The following THSD7B variants were observed in gnomAD, a reference collection of about 807,000 sequenced individuals.
THSD7B encodes the protein thrombospondin type 1 domain containing 7B.
In THSD7B, 138 loss-of-function variants were observed where a neutral mutation model predicts 213.6. The observed-to-expected ratio is 0.65, with a 90% CI of 0.56 to 0.74. The LOEUF is 0.74. Ranked by LOEUF, THSD7B falls within the 30% of genes least tolerant of loss-of-function variation. THSD7B has a pLI of 0.00. For missense variants in THSD7B, 1,931 were observed against 1,991.5 expected (o/e 0.97, Z 0.58); for synonymous variants, 742 against 687.0 (o/e 1.08, Z -1.25).
chr2:137,451,573 G>A (rs1010349285), intron 15 of THSD7B, among the ~76,000 whole-genome samples: 1 of 151,852 alleles, frequency 6.6e-6, no homozygotes, highest in Non-Finnish European at 1.5e-5. Context: ...AAAAATCATA[G>A]ATATTTTCAT....
At chr2:137,649,648 GT>G in intron 21 of THSD7B, among the ~76,000 whole-genome samples, 1 of 152,280 alleles carries the variant, frequency 6.6e-6, no homozygotes, top group Admixed American at 6.5e-5. Flanking sequence ...ATAAGTCTGA[GT>G]TTTTTATTTT....
chr2:137,549,126 C>G (rs1680793732), intron 15 of THSD7B, among the ~76,000 whole-genome samples: 1 of 151,900 alleles, frequency 6.6e-6, no homozygotes, highest in Non-Finnish European at 1.5e-5. Flanking sequence ...ACTCATTCTC[C>G]TCCTTTTCTT....
intron 12 of THSD7B, among the ~76,000 whole-genome samples, chr2:137,372,266 A>T: frequency 7.0e-6 from 1 of 142,066 alleles, no homozygotes; most frequent in African/African-American, 2.5e-5. Flanking sequence ...GAATGTGGTT[A>T]GGTAATCCCC....
chr2:137,162,785 G>T (rs769739599), intron 6 of THSD7B, among the ~76,000 whole-genome samples: 3 of 143,412 alleles, frequency 2.1e-5, no homozygotes, highest in Non-Finnish European at 3.0e-5. Context: ...CTTCTTTTGA[G>T]TTTCACTCTT....
chr2:137,166,051 C>T (rs1219381296), intron 6 of THSD7B, among the ~76,000 whole-genome samples: 2 of 152,138 alleles, frequency 1.3e-5, no homozygotes, highest in African/African-American at 2.4e-5. Flanking sequence ...GACTTTTATT[C>T]TTAATCAGAA....
intron 17 of THSD7B, among the ~76,000 whole-genome samples, chr2:137,614,781 A>G (rs1037620855): frequency 6.6e-6 from 1 of 152,170 alleles, no homozygotes; most frequent in African/African-American, 2.4e-5. Context: ...ATGTGTATCA[A>G]TGGTCCAAAC....
At chr2:137,560,309 C>T (rs1681083386) in intron 15 of THSD7B, among the ~76,000 whole-genome samples, 1 of 152,078 alleles carries the variant, frequency 6.6e-6, no homozygotes, top group Admixed American at 6.6e-5. Flanking sequence ...TTGGAACCAA[C>T]CCAAATGTCC....
chr2:137,230,352 T>C (rs1193119839), intron 7 of THSD7B, among the ~76,000 whole-genome samples: 1 of 152,174 alleles, frequency 6.6e-6, no homozygotes. Flanking sequence ...AATAGCAAAA[T>C]TGAGGATCCT....
intron 15 of THSD7B, among the ~76,000 whole-genome samples, chr2:137,557,028 C>T (rs1352424944): frequency 1.3e-5 from 2 of 152,072 alleles, no homozygotes; most frequent in African/African-American, 2.4e-5. Flanking sequence ...ACAGGAGCAC[C>T]CAGATTCACA....
intron 15 of THSD7B, among the ~76,000 whole-genome samples, chr2:137,513,124 C>A (rs1050739879): frequency 1.3e-5 from 2 of 152,150 alleles, no homozygotes; most frequent in East Asian, 3.8e-4. Flanking sequence ...GTTCTCTAAG[C>A]CTTTGGGGCG....
At chr2:137,048,522 G>A (rs1431150825) in intron 2 of THSD7B, among the ~76,000 whole-genome samples, 4 of 152,104 alleles carry the variant, frequency 2.6e-5, no homozygotes, top group African/African-American at 9.7e-5. Context: ...TTGAAGTTAG[G>A]GAAAATATTG....
At chr2:137,599,652 C>G (rs981396259) in intron 17 of THSD7B, among the ~76,000 whole-genome samples, 2 of 152,074 alleles carry the variant, frequency 1.3e-5, no homozygotes, top group Admixed American at 6.6e-5. Flanking sequence ...ACCCAAAGGA[C>G]TATAAATCAT....
chr2:137,539,027 G>A (rs570144820), intron 15 of THSD7B, among the ~76,000 whole-genome samples: 51 of 151,676 alleles, frequency 3.4e-4, no homozygotes, highest in African/African-American at 1.2e-3. Flanking sequence ...AAAGCCATTA[G>A]TCTACTTTCT....
At chr2:137,074,812 C>T (rs1008415217) in intron 3 of THSD7B, among the ~76,000 whole-genome samples, 1 of 152,114 alleles carries the variant, frequency 6.6e-6, no homozygotes, top group Non-Finnish European at 1.5e-5. Context: ...ATTTGCTTGT[C>T]TGTAAAGGAT....
At chr2:137,089,360 GTATA>G (rs1159590379) in intron 3 of THSD7B, among the ~76,000 whole-genome samples, 2 of 146,662 alleles carry the variant, frequency 1.4e-5, no homozygotes, top group African/African-American at 2.5e-5. Context: ...ATATGTGTGT[GTATA>G]TGTATATGTA....
intron 2 of THSD7B, among the ~76,000 whole-genome samples, chr2:136,981,603 G>A (rs1249892565): frequency 6.6e-6 from 1 of 152,082 alleles, no homozygotes; most frequent in Non-Finnish European, 1.5e-5. Flanking sequence ...CAGAAGCCTG[G>A]GTTCTACATG....
intron 17 of THSD7B, among the ~76,000 whole-genome samples, chr2:137,594,292 TC>T (rs1681917524): frequency 1.3e-5 from 2 of 151,956 alleles, no homozygotes; most frequent in Non-Finnish European, 1.5e-5. Flanking sequence ...CACTTTTGAT[TC>T]TCCTTAGAGT....
intron 2 of THSD7B, among the ~76,000 whole-genome samples, chr2:136,975,543 A>G (rs890818815): frequency 6.6e-5 from 10 of 152,022 alleles, no homozygotes; most frequent in African/African-American, 2.4e-4. Context: ...CCATTGGTCT[A>G]TGTGTCTGTT....
At chr2:137,628,093 C>A (rs1012913893) in intron 20 of THSD7B, among the ~76,000 whole-genome samples, 5 of 152,136 alleles carry the variant, frequency 3.3e-5, no homozygotes, top group African/African-American at 1.2e-4. Context: ...TTGAAGACAC[C>A]TGGCATAGTA....
Sources: allele counts gnomAD v4.1 joint callset (sites outside exome capture counted in the v4.1 genomes callset), GRCh38; gene constraint gnomAD v4.1.1; transcripts MANE v1.5; gene names NCBI Gene and HGNC (gene_info 2026-07-23, HGNC 2026-07-21).